Variants in KAZN observed in about 807,000 individuals in gnomAD.
KAZN encodes kazrin, periplakin interacting protein, also known as kazrin.
A neutral mutation model predicts 87.4 loss-of-function variants in KAZN; 40 were observed. The observed-to-expected ratio is 0.46, with a 90% CI of 0.36 to 0.60. The LOEUF (loss-of-function observed/expected upper bound fraction) is 0.60. Ranked by LOEUF, KAZN falls within the 20% of genes least tolerant of loss-of-function variation. The pLI is 0.00. For synonymous variants in KAZN, 466 were observed against 458.3 expected (o/e 1.02, Z -0.22); for missense variants, 898 against 1,073.9 (o/e 0.84, Z 2.29).
chr1:14,810,658 A>C (rs558956012), intron 1 of KAZN, among the ~76,000 whole-genome samples: 21 of 152,186 alleles, frequency 1.4e-4, no homozygotes, highest in Non-Finnish European at 1.8e-4. Flanking sequence ...CTGCTAGCAA[A>C]TGATAGAGGC....
chr1:14,631,156 CAG>C (rs1402940487), intron 1 of KAZN, among the ~76,000 whole-genome samples: 24 of 152,198 alleles, frequency 1.6e-4, no homozygotes, highest in Admixed American at 1.3e-3. Context: ...AGCATCCAAT[CAG>C]AGTGAATCCA....
At chr1:14,631,784 G>A (rs1318707291) in intron 1 of KAZN, among the ~76,000 whole-genome samples, 1 of 152,208 alleles carries the variant, frequency 6.6e-6, no homozygotes, top group Non-Finnish European at 1.5e-5. Flanking sequence ...CCTCGTGTTG[G>A]CGAGGAAGCT....
chr1:13,993,384 T>C (rs1274499903), intron 1 of KAZN, among the ~76,000 whole-genome samples: 1 of 152,098 alleles, frequency 6.6e-6, no homozygotes, highest in African/African-American at 2.4e-5. Context: ...GGAAAGAGCA[T>C]AACTTAAAAA....
intron 2 of KAZN, among the ~76,000 whole-genome samples, chr1:15,019,669 G>A (rs910290813): frequency 1.2e-4 from 18 of 152,198 alleles, no homozygotes; most frequent in African/African-American, 3.6e-4. Context: ...GATTACAAGC[G>A]TGAGCCACCA....
At position 15,115,299 on chromosome 1, in the gene KAZN, T is replaced by C. The variant is rs1641805084; in HGVS notation, c.*664T>C. The C allele has an allele frequency of 6.6e-6, 1 of 152,058 alleles. No individual in the cohort carries two copies. The highest frequency in any genetic ancestry group is 2.4e-5 in the African/African-American group (1 of 41,384). 9.4% of individuals were successfully genotyped at this position (152,058 alleles called of 1,614,324 possible). On this transcript the variant is annotated 3_prime_UTR_variant, in exon 15 of 15. Coordinates refer to ENST00000376030, the MANE Select transcript of KAZN (RefSeq NM_201628.3). This position sits in a 1 kb window ranked among gnomAD's most constrained non-coding sequence, Gnocchi z 4.1. ...AGCTGTTTGCCGATCCACCCAGGAGTGGCTACGCTGAGTGGGGAGCCGGTG... is the reference window on the plus strand; with the variant it reads ...AGCTGTTTGCCGATCCACCCAGGAGCGGCTACGCTGAGTGGGGAGCCGGTG...
chr1:14,896,304 C>G (rs1016422684), intron 1 of KAZN, among the ~76,000 whole-genome samples: 17 of 152,158 alleles, frequency 1.1e-4, no homozygotes, highest in Non-Finnish European at 1.5e-5. Context: ...CCGCCTGCCT[C>G]GGCCTCCCAA....
intron 1 of KAZN, among the ~76,000 whole-genome samples, chr1:14,635,628 C>T (rs557247990): frequency 1.3e-4 from 20 of 152,326 alleles, no homozygotes; most frequent in African/African-American, 4.3e-4. Context: ...CCCTCTGCCA[C>T]GTTCTCTCAG....
intron 2 of KAZN, among the ~76,000 whole-genome samples, chr1:14,243,173 G>A (rs534857546): frequency 8.5e-5 from 13 of 152,090 alleles, no homozygotes; most frequent in East Asian, 5.8e-4. Context: ...AGTTTTGTTC[G>A]CCATTATTCC....
Position 15,096,830 on chromosome 1 carries a change from G to T in KAZN, c.1547+1897G>T, listed in dbSNP as rs1237382180. 2.0e-5 allele frequency among the ~76,000 whole-genome samples: 3 copies of T among 152,108 alleles called. No homozygotes were observed. The highest frequency in any genetic ancestry group is 4.4e-5 in the Non-Finnish European group (3 of 68,014). ...GACCTCATCTAATCAGCTCCCAAAG[G>T]CCCCAGCCACAAATACCATCACATC... On this transcript the variant is annotated intron_variant, in intron 10 of 14. Coordinates refer to ENST00000376030, the MANE Select transcript of KAZN (RefSeq NM_201628.3). The surrounding 1 kb of genome is among the most constrained non-coding windows in gnomAD (Gnocchi z 4.5).
rs139973979 is a variant in KAZN at position 14,635,543 on chromosome 1, C to T, written c.226+36320C>T. ...TTCTGCTGTTCTACCTCTGTACTAA[C>T]GCGATTACGATGACTGCTACTGCTG... On this transcript the variant is annotated intron_variant, in intron 1 of 14. Transcript: ENST00000376030. Among the ~76,000 whole-genome samples, 6 of 152,286 alleles carry T rather than the reference C, an allele frequency of 3.9e-5. No individual in the cohort carries two copies. The East Asian group carries it at 7.7e-4, about 20-fold the overall frequency.
At chr1:14,862,178 C>T (rs759714922) in intron 1 of KAZN, among the ~76,000 whole-genome samples, 3 of 152,138 alleles carry the variant, frequency 2.0e-5, no homozygotes, top group Non-Finnish European at 4.4e-5. Flanking sequence ...GAGTGAGATT[C>T]GCACAGATCT....
chr1:14,729,852 G>A (rs567487448), intron 1 of KAZN, among the ~76,000 whole-genome samples: 1 of 152,142 alleles, frequency 6.6e-6, no homozygotes, highest in Admixed American at 6.5e-5. Flanking sequence ...TTTTTTAATG[G>A]TTGGAAAAAA....
At chr1:14,527,802 C>T (rs893634608) in intron 2 of KAZN, among the ~76,000 whole-genome samples, 8 of 151,978 alleles carry the variant, frequency 5.3e-5, no homozygotes, top group African/African-American at 1.9e-4. Flanking sequence ...CCCTCATTAC[C>T]ACGAGGATGA....
intron 2 of KAZN, among the ~76,000 whole-genome samples, chr1:14,578,017 A>G (rs762203164): frequency 1.3e-5 from 2 of 152,116 alleles, no homozygotes; most frequent in Non-Finnish European, 2.9e-5. Flanking sequence ...TAACCTTCCC[A>G]AACTGCAGTC....
At chr1:14,853,631 C>T (rs1250642765) in intron 1 of KAZN, among the ~76,000 whole-genome samples, 3 of 152,156 alleles carry the variant, frequency 2.0e-5, no homozygotes, top group African/African-American at 4.8e-5. Context: ...GAACAAAGTG[C>T]AGCAGTGCCC....
In KAZN at chr1:14,908,089, G is replaced by A. The variant is rs147596619; in HGVS notation, c.227-52595G>A. Among the ~76,000 whole-genome samples, 541 of 152,328 alleles carry A rather than the reference G, an allele frequency of 3.6e-3. 4 individuals are homozygous for A. The highest frequency in any genetic ancestry group is 0.011 in the African/African-American group (461 of 41,572). ...AAGAGGCGGTTCTAGAGAGGATGAA[G>A]AGCAGAGCCATCAAAAGCATGTAGG... On this transcript the variant is annotated intron_variant, in intron 1 of 14. Coordinates refer to ENST00000376030, the MANE Select transcript of KAZN (RefSeq NM_201628.3).
intron 2 of KAZN, among the ~76,000 whole-genome samples, chr1:15,013,597 A>T (rs1254067440): frequency 1.3e-5 from 2 of 151,528 alleles, no homozygotes; most frequent in Admixed American, 6.6e-5. Flanking sequence ...CTATTAAAAA[A>T]ATATAAAAAT....
chr1:14,954,640 A>AT (rs1439861199), intron 1 of KAZN, among the ~76,000 whole-genome samples: 1 of 152,178 alleles, frequency 6.6e-6, no homozygotes, highest in East Asian at 1.9e-4. Context: ...TGAGTTTTTC[A>AT]TTTTAATTAA....
At chr1:13,937,767 A>G (rs12035311) in intron 1 of KAZN, among the ~76,000 whole-genome samples, 2,494 of 152,244 alleles carry the variant, frequency 0.016, 64 homozygotes, top group African/African-American at 0.055. Flanking sequence ...TCCTAGCACC[A>G]TTTATTGAAT....
Sources: allele counts gnomAD v4.1 joint callset (sites outside exome capture counted in the v4.1 genomes callset), GRCh38; gene constraint gnomAD v4.1.1; non-coding constraint Gnocchi (gnomAD v3.1); transcripts MANE v1.5; gene names NCBI Gene and HGNC (gene_info 2026-07-23, HGNC 2026-07-21).